The following SFSWAP variants were observed in gnomAD, a reference collection of about 807,000 sequenced individuals.
The protein encoded by SFSWAP is splicing factor SWAP, also known as splicing factor, suppressor of white-apricot homolog.
SFSWAP carries 17 observed loss-of-function variants against 100.7 expected under a neutral mutation model. The ratio of observed to expected loss-of-function variants is 0.17; its 90% confidence interval spans 0.12 to 0.25. The LOEUF is 0.25. Among genes scored for constraint, SFSWAP ranks in the 10% least tolerant of loss-of-function variants. SFSWAP has a pLI of 1.00. For synonymous variants in SFSWAP, 504 were observed against 510.1 expected (o/e 0.99, Z 0.16); for missense variants, 1,005 against 1,262.6 (o/e 0.80, Z 3.09).
intron 14 of SFSWAP, among the ~76,000 whole-genome samples, chr12:131,781,325 C>T (rs1884489313): frequency 6.7e-6 from 1 of 149,840 alleles, no homozygotes; most frequent in African/African-American, 2.5e-5. Context: ...GCAAGCTCTG[C>T]CTCCCGGGTT....
chr12:131,783,939 G>A (rs564856410), intron 14 of SFSWAP: 6 of 151,162 alleles, frequency 4.0e-5, no homozygotes, highest in Non-Finnish European at 7.4e-5. Flanking sequence ...GCCACACTGG[G>A]TTTCTATTTT....
In SFSWAP at chr12:131,799,712, T is replaced by C. The variant is rs577555667; in HGVS notation, c.*224T>C. ...TGTGAAAATGTATTATGAAATAAAA[T>C]GGGAGGAAACACCTTTTCTAGCTAG... On this transcript the variant is annotated 3_prime_UTR_variant, in exon 18 of 18. Coordinates refer to ENST00000261674, the MANE Select transcript of SFSWAP (RefSeq NM_004592.4). 1.8e-5 allele frequency: 10 copies of C among 550,356 alleles called. No individual in the cohort carries two copies. Among genetic ancestry groups the C allele is most frequent in the Non-Finnish European group, 3.2e-5 (10 of 311,336 alleles). 34.1% of individuals were successfully genotyped at this position (550,356 alleles called of 1,614,324 possible).
intron 7 of SFSWAP, among the ~76,000 whole-genome samples, chr12:131,742,652 T>G (rs2136210365): frequency 6.6e-6 from 1 of 151,696 alleles, no homozygotes; most frequent in East Asian, 1.9e-4. Flanking sequence ...TTTTTTAAGA[T>G]ACTAGGTCGT....
Position 131,766,268 on chromosome 12 carries a change from C to T in SFSWAP, c.2102C>T (p.Ala701Val), listed in dbSNP as rs1416131658. 35 of 1,614,154 alleles carry T rather than the reference C, an allele frequency of 2.2e-5. No homozygotes were observed. The highest frequency in any genetic ancestry group is 3.0e-5 in the Non-Finnish European group (35 of 1,180,038). The part of the protein sequence containing the change: ...LQTLKNPLPE[A>V]EAGKIEESPF... ...ACCCTCAAAAATCCTCTGCCGGAAG[C>T]AGAAGCTGGGAAAATTGAGGAGAGT... The change falls in exon 13 of 18, where the codon GCA becomes GTA. Residue 701 changes from alanine to valine, a missense_variant. Coordinates refer to ENST00000261674, the MANE Select transcript of SFSWAP (RefSeq NM_004592.4).
rs1389865537 is a variant in SFSWAP at position 131,714,442 on chromosome 12, G to A, written c.388+202G>A. The A allele has an allele frequency of 1.3e-5, 7 of 524,870 alleles. No homozygotes were observed. 32.5% of individuals were successfully genotyped at this position (524,870 alleles called of 1,614,324 possible). ...TATAGAGCCACAAAGAATTTTCCCA[G>A]CTTTTGAGGGCAGACTGGGATTTGA... On this transcript the variant is annotated intron_variant, in intron 2 of 17. Transcript: ENST00000261674. The surrounding 1 kb of genome is among the most constrained non-coding windows in gnomAD (Gnocchi z 6.0).
chr12:131,732,208 C>T (rs1016717639), intron 7 of SFSWAP, among the ~76,000 whole-genome samples: 3 of 152,120 alleles, frequency 2.0e-5, no homozygotes, highest in African/African-American at 7.2e-5. Context: ...CGCACCCAGC[C>T]GTGTTGCTAT....
chr12:131,727,250 T>C (rs1879065668), intron 6 of SFSWAP, among the ~76,000 whole-genome samples, 198 bp downstream of exon 6: 1 of 152,292 alleles, frequency 6.6e-6, no homozygotes, highest in African/African-American at 2.4e-5. Flanking sequence ...GTCTAGCTTA[T>C]AAAATTCGTG....
intron 15 of SFSWAP, 161 bp from the exon 16 acceptor site, chr12:131,797,017 A>G (rs1593201511): frequency 7.7e-6 from 5 of 645,168 alleles, no homozygotes; most frequent in East Asian, 2.6e-5. Context: ...GTTAAATGAA[A>G]TAAGTAGCTT....
At position 131,778,674 on chromosome 12, in the gene SFSWAP, C is replaced by T. The variant is rs1350784091; in HGVS notation, c.2408+344C>T. ...CTGGGATTACAGGTGCCCACCACCA[C>T]GCCTGGCTAATTTTTGTATTTTTAG... On this transcript the variant is annotated intron_variant, in intron 14 of 17. Coordinates refer to ENST00000261674, the MANE Select transcript of SFSWAP (RefSeq NM_004592.4). This position sits in a 1 kb window ranked among gnomAD's most constrained non-coding sequence, Gnocchi z 4.2. Among the ~76,000 whole-genome samples, 1 of 152,084 alleles carries T rather than the reference C, an allele frequency of 6.6e-6. No homozygotes were observed. The highest frequency in any genetic ancestry group is 1.5e-5 in the Non-Finnish European group (1 of 68,016).
At chr12:131,731,104 C>G (rs1879461960) in intron 7 of SFSWAP, among the ~76,000 whole-genome samples, 1 of 152,176 alleles carries the variant, frequency 6.6e-6, no homozygotes. Context: ...GTGTCCTCAT[C>G]CAGTTTCCAA....
intron 15 of SFSWAP, among the ~76,000 whole-genome samples, chr12:131,791,457 T>TTC (rs1265923442): frequency 6.7e-6 from 1 of 150,286 alleles, no homozygotes; most frequent in Non-Finnish European, 1.5e-5. Flanking sequence ...AATTCTAACA[T>TTC]TCAAGAAAGG....
chr12:131,761,335 G>T (rs548225837), intron 11 of SFSWAP, among the ~76,000 whole-genome samples: 18 of 152,316 alleles, frequency 1.2e-4, no homozygotes, highest in African/African-American at 3.8e-4. Context: ...TTCACTCAGG[G>T]GTGCCCGATG....
chr12:131,741,644 CA>C (rs543737279), intron 7 of SFSWAP, among the ~76,000 whole-genome samples: 219 of 68,854 alleles, frequency 3.2e-3, no homozygotes, highest in South Asian at 7.9e-3. Flanking sequence ...AGACTCTGTC[CA>C]AAAAAAAAAA....
intron 7 of SFSWAP, among the ~76,000 whole-genome samples, chr12:131,744,165 G>A (rs1880909705): frequency 6.6e-6 from 1 of 152,224 alleles, no homozygotes; most frequent in African/African-American, 2.4e-5. Flanking sequence ...CATTGTCTTG[G>A]GGATTCACAT....
intron 14 of SFSWAP, among the ~76,000 whole-genome samples, chr12:131,779,525 A>AGCTTGG (rs1169252879): frequency 6.6e-6 from 1 of 152,230 alleles, no homozygotes; most frequent in Non-Finnish European, 1.5e-5. Context: ...AGGTTGGCAC[A>AGCTTGG]GCTTGCCCTG....
chr12:131,789,196 G>T (rs1212030806), intron 15 of SFSWAP, among the ~76,000 whole-genome samples: 2 of 152,048 alleles, frequency 1.3e-5, no homozygotes, highest in Non-Finnish European at 2.9e-5. Context: ...TGCCCAGGAT[G>T]GTCTCAAAAT....
At chr12:131,759,875 G>A (rs2136232038) in intron 11 of SFSWAP, among the ~76,000 whole-genome samples, 1 of 152,238 alleles carries the variant, frequency 6.6e-6, no homozygotes, top group East Asian at 1.9e-4. Context: ...ATCCCAGCAT[G>A]TCACAAAATG....
In SFSWAP at chr12:131,778,415, T is replaced by G; in HGVS notation, c.2408+85T>G. The stretch of plus-strand genomic sequence containing the variant: ...CACCCAGTAGAGCTAGGTAGAACGT[T>G]TAAAATCAGTGCCGCTTTCATTAAG... On this transcript the variant is annotated intron_variant, in intron 14 of 17. Coordinates refer to ENST00000261674, the MANE Select transcript of SFSWAP (RefSeq NM_004592.4). This position sits in a 1 kb window ranked among gnomAD's most constrained non-coding sequence, Gnocchi z 4.2. The G allele has an allele frequency of 1.3e-6, 2 of 1,535,758 alleles. No individual in the cohort carries two copies. Among genetic ancestry groups the G allele is most frequent in the South Asian group, 2.6e-5 (2 of 77,492 alleles).
At chr12:131,775,594 G>A (rs1395929466) in intron 13 of SFSWAP, among the ~76,000 whole-genome samples, 1 of 152,164 alleles carries the variant, frequency 6.6e-6, no homozygotes, top group Non-Finnish European at 1.5e-5. Context: ...CTCCCTTTCG[G>A]TGTGTATGGG....
Sources: gnomAD v4.1 joint callset for allele counts (sites outside exome capture counted in the v4.1 genomes callset) on GRCh38, gnomAD v4.1.1 for gene constraint, Gnocchi (gnomAD v3.1) non-coding constraint, MANE v1.5 for transcripts, NCBI Gene and HGNC (gene_info 2026-07-23, HGNC 2026-07-21) for gene names.